The following SHFL variants were observed in gnomAD, a reference collection of about 807,000 sequenced individuals.
SHFL encodes the protein shiftless antiviral inhibitor of ribosomal frameshifting protein.
Under a neutral mutation model 34.7 loss-of-function variants are expected in SHFL, and 12 were observed. That is an observed-to-expected ratio of 0.35 (90% confidence interval 0.22 to 0.56). The LOEUF (loss-of-function observed/expected upper bound fraction) is 0.56. Among genes scored for constraint, SHFL ranks in the 20% least tolerant of loss-of-function variants. The probability of loss-of-function intolerance (pLI) is 0.88; values close to 1 mark genes in which losing one functional copy is unlikely to be tolerated. For missense variants in SHFL, 278 were observed against 411.1 expected (o/e 0.68, Z 2.80); for synonymous variants, 148 against 156.0 (o/e 0.95, Z 0.38).
chr19:10,091,671 C>G lies in SHFL; in HGVS notation c.643+41C>G, dbSNP rs1309537080. The G allele has an allele frequency of 6.7e-7, 1 of 1,498,052 alleles. No homozygotes were observed. Among genetic ancestry groups the G allele is most frequent in the Admixed American group, 2.3e-5 (1 of 44,118 alleles). 92.8% of individuals were successfully genotyped at this position (1,498,052 alleles called of 1,614,324 possible). On this transcript the variant is annotated intron_variant, in intron 7 of 7. Transcript: ENST00000253110. This position sits in a 1 kb window ranked among gnomAD's most constrained non-coding sequence, Gnocchi z 8.2. ...CCCAACAGCCTGGACAGTCTTTGTC[C>G]CCTTCTGTGCCTTTAAGTCCCCAAA...
Position 10,086,588 on chromosome 19 carries a change from C to T in SHFL, c.21+140C>T, listed in dbSNP as rs1237683215. 2.3e-6 allele frequency: 2 copies of T among 876,096 alleles called. No individual in the cohort carries two copies. The highest frequency in any genetic ancestry group is 1.6e-6 in the Non-Finnish European group (1 of 630,570). The allele number at this position is 876,096 out of a possible 1,614,324, so 54.3% of individuals were successfully genotyped here. A position where few individuals can be genotyped will look rare whatever the true frequency, so the allele number is the denominator to read the frequency against. On this transcript the variant is annotated intron_variant, in intron 1 of 7. Coordinates refer to ENST00000253110, the MANE Select transcript of SHFL (RefSeq NM_018381.4). The surrounding 1 kb of genome is among the most constrained non-coding windows in gnomAD (Gnocchi z 5.2). ...CCTTACCCCTGCCTGGCGCTCGCCC[C>T]CCTTGAAAAGGAAAGTGACTCCCAC...
At position 10,091,220 on chromosome 19, in the gene SHFL, T is replaced by G; in HGVS notation, c.385-30T>G. The G allele has an allele frequency of 6.3e-7, 1 of 1,598,342 alleles. No homozygotes were observed. Among genetic ancestry groups the G allele is most frequent in the Non-Finnish European group, 8.6e-7 (1 of 1,167,814 alleles). ...ACACCTCTGACAATCCTTGGTCCCC[T>G]CTCTGTACCTTCCTGCCCACCACCA... On this transcript the variant is annotated intron_variant, in intron 5 of 7. Coordinates refer to ENST00000253110, the MANE Select transcript of SHFL (RefSeq NM_018381.4). The surrounding 1 kb of genome is among the most constrained non-coding windows in gnomAD (Gnocchi z 8.2).
chr19:10,091,167 A>G lies in SHFL; in HGVS notation c.385-83A>G, dbSNP rs898029177. ...TCAAGCTGAGGCCAGCCGCTGCAGCACACTGCTAGCCCTGACCCCAACCTC... is the reference window on the plus strand; with the variant it reads ...TCAAGCTGAGGCCAGCCGCTGCAGCGCACTGCTAGCCCTGACCCCAACCTC... On this transcript the variant is annotated intron_variant, in intron 5 of 7. Transcript: ENST00000253110. The surrounding 1 kb of genome is among the most constrained non-coding windows in gnomAD (Gnocchi z 8.2). The G allele has an allele frequency of 1.6e-5, 20 of 1,223,216 alleles. No homozygotes were observed. The African/African-American group carries it at 2.1e-4, about 13-fold the overall frequency. The allele number at this position is 1,223,216 out of a possible 1,614,324, so 75.8% of individuals were successfully genotyped here.
At position 10,086,803 on chromosome 19, in the gene SHFL, CGG is replaced by C. The variant is rs58018039; in HGVS notation, c.22-117_22-116del. 333 of 995,344 alleles carry C rather than the reference CGG, an allele frequency of 3.3e-4. 1 individual carries two copies. The African/African-American group carries it at 5.1e-3, about 15-fold the overall frequency. 61.7% of individuals were successfully genotyped at this position (995,344 alleles called of 1,614,324 possible). ...GGAAATGCCGTAAAGGGATGAAAGG[CGG>C]GGGGGGGGCGGCGGAGGCCAAAACC... On this transcript the variant is annotated intron_variant, in intron 1 of 7. Coordinates refer to ENST00000253110, the MANE Select transcript of SHFL (RefSeq NM_018381.4). This position sits in a 1 kb window ranked among gnomAD's most constrained non-coding sequence, Gnocchi z 5.2.
chr19:10,092,333 C>T lies in SHFL; in HGVS notation c.*31C>T, dbSNP rs1381826288. ...GCCAGGTGCAGATACAAACCAGACA[C>T]GGTCTGTGGCTACTTTGTGTTATTA... On this transcript the variant is annotated 3_prime_UTR_variant, in exon 8 of 8. Coordinates refer to ENST00000253110, the MANE Select transcript of SHFL (RefSeq NM_018381.4). The T allele has an allele frequency of 1.9e-5, 29 of 1,552,780 alleles. No individual in the cohort carries two copies. The highest frequency in any genetic ancestry group is 2.4e-5 in the Non-Finnish European group (28 of 1,149,364).
rs2088296406 is a variant in SHFL, at chr19:10,086,890, T to G, written c.22-39T>G. 6.2e-7 allele frequency: 1 copy of G among 1,609,928 alleles called. No homozygotes were observed. The highest frequency in any genetic ancestry group is 8.5e-7 in the Non-Finnish European group (1 of 1,177,644). ...GAGATGGGGGAGGGATGATCCCGTT[T>G]CCCCTTCCCCCACCGGAACCCCCCT... On this transcript the variant is annotated intron_variant, in intron 1 of 7. Coordinates refer to ENST00000253110, the MANE Select transcript of SHFL (RefSeq NM_018381.4). The surrounding 1 kb of genome is among the most constrained non-coding windows in gnomAD (Gnocchi z 5.2).
intron 3 of SHFL, chr19:10,089,318 G>A (rs532738263): frequency 1.4e-5 from 22 of 1,598,378 alleles, no homozygotes; most frequent in East Asian, 4.5e-5. Flanking sequence ...CGAGCACAAC[G>A]TGGCCTCAAA....
Position 10,092,060 on chromosome 19 carries a change from C to T in SHFL, c.644-10C>T. The T allele has an allele frequency of 6.2e-7, 1 of 1,613,794 alleles. No homozygotes were observed. The highest frequency in any genetic ancestry group is 1.7e-5 in the Admixed American group (1 of 59,956). ...CCAGCCCCATGTCTGCAGCACCTCT[C>T]CCTCCCTAGAGCCCCACGTGCCTGG... On this transcript the variant is annotated splice_polypyrimidine_tract_variant and intron_variant, in intron 7 of 7. Coordinates refer to ENST00000253110, the MANE Select transcript of SHFL (RefSeq NM_018381.4).
chr19:10,086,809 G>GA lies in SHFL; in HGVS notation c.22-120_22-119insA. 1 of 1,200,506 alleles carries GA rather than the reference G, an allele frequency of 8.3e-7. No individual in the cohort carries two copies. Among genetic ancestry groups the GA allele is most frequent in the Non-Finnish European group, 1.2e-6 (1 of 860,212 alleles). 74.4% of individuals were successfully genotyped at this position (1,200,506 alleles called of 1,614,324 possible). ...GCCGTAAAGGGATGAAAGGCGGGGGGGGGGCGGCGGAGGCCAAAACCAAGG... is the reference window on the plus strand; with the variant it reads ...GCCGTAAAGGGATGAAAGGCGGGGGGAGGGGCGGCGGAGGCCAAAACCAAGG... On this transcript the variant is annotated intron_variant, in intron 1 of 7. Coordinates refer to ENST00000253110, the MANE Select transcript of SHFL (RefSeq NM_018381.4). The surrounding 1 kb of genome is among the most constrained non-coding windows in gnomAD (Gnocchi z 5.2).
Position 10,093,218 on chromosome 19 carries a change from A to C in SHFL, c.*916A>C. On this transcript the variant is annotated 3_prime_UTR_variant, in exon 8 of 8. Transcript: ENST00000253110. ...AAAAGTCCTGACCTTTGTTCTCTTGACGGAATAAAAGCTTGCTTATCCTTA... is the reference window on the plus strand; with the variant it reads ...AAAAGTCCTGACCTTTGTTCTCTTGCCGGAATAAAAGCTTGCTTATCCTTA... 1 of 1,256,338 alleles carries C rather than the reference A, an allele frequency of 8.0e-7. No individual in the cohort carries two copies. Among genetic ancestry groups the C allele is most frequent in the Admixed American group, 2.3e-5 (1 of 43,670 alleles). 77.8% of individuals were successfully genotyped at this position (1,256,338 alleles called of 1,614,324 possible). A position where few individuals can be genotyped will look rare whatever the true frequency, so the allele number is the denominator to read the frequency against.
In SHFL at chr19:10,089,903, G is replaced by A; in HGVS notation, c.240G>A (p.Val80=). 1 of 1,611,126 alleles carries A rather than the reference G, an allele frequency of 6.2e-7. No homozygotes were observed. Among genetic ancestry groups the A allele is most frequent in the Non-Finnish European group, 8.5e-7 (1 of 1,178,980 alleles). The change falls in exon 5 of 8, where the codon GTG becomes GTA. Residue 80 remains valine (V), a synonymous_variant. Transcript: ENST00000253110. Reference sequence around the variant, plus strand: ...CCACCTGCCCCATTCCACAGGCAGTGGCGACCTCCCTCCTGCCACTGACAG... The same window carrying A: ...CCACCTGCCCCATTCCACAGGCAGTAGCGACCTCCCTCCTGCCACTGACAG... The part of the protein sequence containing the change: ...DMKQDRDIQA[V]ATSLLPLTEA...
At position 10,086,552 on chromosome 19, in the gene SHFL, GA is replaced by G. The variant is rs1599271602; in HGVS notation, c.21+106del. The G allele has an allele frequency of 1.8e-6, 2 of 1,109,828 alleles. No homozygotes were observed. Among genetic ancestry groups the G allele is most frequent in the Admixed American group, 4.0e-5 (1 of 25,082 alleles). 68.7% of individuals were successfully genotyped at this position (1,109,828 alleles called of 1,614,324 possible). A position where few individuals can be genotyped will look rare whatever the true frequency, so the allele number is the denominator to read the frequency against. Reference sequence around the variant, plus strand: ...GCAGTTCCTGGGGACCCCCATCCTAGAACCCCAGATCCTTACCCCTGCCTGG... The same window carrying G: ...GCAGTTCCTGGGGACCCCCATCCTAGACCCCAGATCCTTACCCCTGCCTGG... On this transcript the variant is annotated intron_variant, in intron 1 of 7. Transcript: ENST00000253110. This position sits in a 1 kb window ranked among gnomAD's most constrained non-coding sequence, Gnocchi z 5.2.
At chr19:10,089,518 CAAT>C in intron 3 of SHFL, 136 bp from the exon 4 acceptor site, 1 of 1,368,352 alleles carries the variant, frequency 7.3e-7, no homozygotes, top group Non-Finnish European at 1.0e-6. Flanking sequence ...ACCTGGCTCT[CAAT>C]AAGTGAGTGG....
Position 10,087,296 on chromosome 19 carries a change from C to T in SHFL, c.191C>T (p.Ala64Val), listed in dbSNP as rs770052476. The stretch of plus-strand genomic sequence containing the variant: ...CAAGAACTAAGTAACGATCTGGATG[C>T]CCAGGTAACCTATCCCCTCCCCTCG... ...DGQELSNDLD[A>V]QDPPEDMKQD... is the part of the protein sequence containing the mutation. Residue 64 changes from alanine (A) to valine (V), a missense_variant, in exon 3 of 8, where the codon GCC becomes GTC. Ala to Val is a moderately conservative substitution (Grantham distance 64). This residue lies in a region of SHFL where 243 missense variants were observed against 386.2 expected (regional missense o/e 0.63). Transcript: ENST00000253110. 1.9e-6 allele frequency: 3 copies of T among 1,614,000 alleles called. No individual in the cohort carries two copies. The highest frequency in any genetic ancestry group is 2.5e-6 in the Non-Finnish European group (3 of 1,179,894).
At position 10,086,454 on chromosome 19, in the gene SHFL, C is replaced by T; in HGVS notation, c.21+6C>T. Reference sequence around the variant, plus strand: ...TGTCTCAGGAAGGTGTGGAGGTAAGCGATGGCTACGGCTGGGCCGGGGTCA... The same window carrying T: ...TGTCTCAGGAAGGTGTGGAGGTAAGTGATGGCTACGGCTGGGCCGGGGTCA... On this transcript the variant is annotated splice_donor_region_variant and intron_variant, in intron 1 of 7. Transcript: ENST00000253110. The surrounding 1 kb of genome is among the most constrained non-coding windows in gnomAD (Gnocchi z 5.2). The T allele has an allele frequency of 3.6e-6, 5 of 1,375,786 alleles. No individual in the cohort carries two copies. The highest frequency in any genetic ancestry group is 4.7e-6 in the Non-Finnish European group (5 of 1,057,452). The allele number at this position is 1,375,786 out of a possible 1,614,324, so 85.2% of individuals were successfully genotyped here. A position where few individuals can be genotyped will look rare whatever the true frequency, so the allele number is the denominator to read the frequency against.
At position 10,092,624 on chromosome 19, in the gene SHFL, T is replaced by A. The variant is rs769022609; in HGVS notation, c.*322T>A. 2.5e-6 allele frequency: 4 copies of A among 1,612,082 alleles called. No individual in the cohort carries two copies. Among genetic ancestry groups the A allele is most frequent in the Admixed American group, 1.7e-5 (1 of 59,920 alleles). On this transcript the variant is annotated 3_prime_UTR_variant, in exon 8 of 8. Coordinates refer to ENST00000253110, the MANE Select transcript of SHFL (RefSeq NM_018381.4). ...AGGGGCCGAATGAGCATGGCGGCCT[T>A]CCTGAGAGAATATGCCCCACCACGA... is the stretch of plus-strand genomic sequence containing the variant.
In SHFL at chr19:10,086,436, G is replaced by A; in HGVS notation, c.9G>A (p.Gln3=). 1 of 1,362,362 alleles carries A rather than the reference G, an allele frequency of 7.3e-7. No individual in the cohort carries two copies. Among genetic ancestry groups the A allele is most frequent in the Non-Finnish European group, 9.5e-7 (1 of 1,049,524 alleles). 84.4% of individuals were successfully genotyped at this position (1,362,362 alleles called of 1,614,324 possible). The change falls in exon 1 of 8, where the codon CAG becomes CAA. Residue 3 remains glutamine, a synonymous_variant. Coordinates refer to ENST00000253110, the MANE Select transcript of SHFL (RefSeq NM_018381.4). This position sits in a 1 kb window ranked among gnomAD's most constrained non-coding sequence, Gnocchi z 5.2. MS[Q]EGVELEKSVR... ...ACTGCGCCGCCGCCACCATGTCTCA[G>A]GAAGGTGTGGAGGTAAGCGATGGCT...
At chr19:10,087,089 C>T (rs751951044) in intron 2 of SHFL, 37 bp downstream of exon 2, 3 of 1,599,856 alleles carry the variant, frequency 1.9e-6, no homozygotes, top group Non-Finnish European at 2.6e-6. Context: ...GTGCGGGGAC[C>T]GCGCGTGGGA....
intron 3 of SHFL, chr19:10,089,268 T>A (rs1415443575): frequency 6.3e-7 from 1 of 1,586,118 alleles, no homozygotes; most frequent in South Asian, 1.1e-5. Context: ...CTGGAAGTGA[T>A]ACAGCTGGGA....
Sources: allele counts gnomAD v4.1 joint callset, GRCh38; gene constraint gnomAD v4.1.1; regional missense constraint gnomAD v4.1.1; non-coding constraint Gnocchi (gnomAD v3.1); transcripts MANE v1.5; gene names NCBI Gene and HGNC (gene_info 2026-07-23, HGNC 2026-07-21).